Variants in PTPRN2 observed in about 807,000 individuals in gnomAD.
PTPRN2 encodes protein tyrosine phosphatase receptor type N2, also known as receptor-type tyrosine-protein phosphatase N2.
PTPRN2 carries 74 observed loss-of-function variants against 118.8 expected under a neutral mutation model. That is an observed-to-expected ratio of 0.62 (90% CI 0.52 to 0.76). The LOEUF (loss-of-function observed/expected upper bound fraction) is 0.76, where lower values mean the gene tolerates loss of function less well. Among genes scored for constraint, PTPRN2 ranks in the 30% least tolerant of loss-of-function variants. The pLI is 0.00. For missense variants in PTPRN2, 1,481 were observed against 1,394.4 expected, an observed-to-expected ratio of 1.06 and a Z score of -0.99; for synonymous variants, 641 against 608.0, an observed-to-expected ratio of 1.05 and a Z score of -0.80.
At chr7:157,564,857 A>G (rs1393461326) in intron 21 of PTPRN2, among the ~76,000 whole-genome samples, 4 of 152,234 alleles carry the variant, frequency 2.6e-5, no homozygotes, top group Non-Finnish European at 5.9e-5. Context: ...TCACATCCAC[A>G]TTCACAGCAG....
chr7:157,819,215 A>G (rs1225185749), intron 12 of PTPRN2, among the ~76,000 whole-genome samples: 1 of 152,194 alleles, frequency 6.6e-6, no homozygotes, highest in Admixed American at 6.5e-5. Context: ...TCCAGCACCC[A>G]GGGACGCGCT....
At chr7:157,948,177 G>A (rs771680463) in intron 11 of PTPRN2, among the ~76,000 whole-genome samples, 30 of 152,226 alleles carry the variant, frequency 2.0e-4, no homozygotes, top group Non-Finnish European at 4.3e-4. Flanking sequence ...ACCCAGTATT[G>A]TAGCTTTGGT....
chr7:158,454,581 C>T lies in PTPRN2; in HGVS notation c.163+35154G>A, dbSNP rs151104229. Among the ~76,000 whole-genome samples, 683 of 143,292 alleles carry T rather than the reference C, an allele frequency of 4.8e-3. 4 individuals are homozygous for T. The highest frequency in any genetic ancestry group is 0.038 in the South Asian group (158 of 4,200). The allele number at this position is 143,292 out of a possible 152,430, so 94.0% of individuals were successfully genotyped here. A position where few individuals can be genotyped will look rare whatever the true frequency, so the allele number is the denominator to read the frequency against. On this transcript the variant is annotated intron_variant, in intron 2 of 22. Transcript: ENST00000389418. ...CAATCACTGATGTGAGGATTGGGGACGGTTGCTACAGAGGACAGACAAGAC... is the reference window on the plus strand; with the variant it reads ...CAATCACTGATGTGAGGATTGGGGATGGTTGCTACAGAGGACAGACAAGAC...
intron 12 of PTPRN2, among the ~76,000 whole-genome samples, chr7:157,692,039 A>G (rs1184778193): frequency 6.6e-6 from 1 of 152,174 alleles, no homozygotes; most frequent in African/African-American, 2.4e-5. Context: ...AGGAACAAGG[A>G]GAAGAAAGGA....
chr7:157,982,869 G>A (rs1206118858), intron 11 of PTPRN2, among the ~76,000 whole-genome samples: 10 of 140,882 alleles, frequency 7.1e-5, no homozygotes, highest in Non-Finnish European at 9.3e-5. Flanking sequence ...GCAGAGTACC[G>A]GGTTCCCCCC....
chr7:158,205,382 C>T (rs1827051998), intron 3 of PTPRN2, 109 bp from the exon 4 acceptor site: 6 of 754,092 alleles, frequency 8.0e-6, no homozygotes, highest in South Asian at 6.5e-5. Context: ...ATGGTCCCAT[C>T]AGCAAAGTAA....
At chr7:157,870,521 C>T (rs1810985151) in intron 12 of PTPRN2, among the ~76,000 whole-genome samples, 1 of 152,230 alleles carries the variant, frequency 6.6e-6, no homozygotes, top group Non-Finnish European at 1.5e-5. Flanking sequence ...TCATGTTGCT[C>T]TGATAGGGGC....
intron 12 of PTPRN2, among the ~76,000 whole-genome samples, chr7:157,735,676 G>A (rs908985203): frequency 2.6e-5 from 4 of 152,204 alleles, no homozygotes; most frequent in African/African-American, 9.7e-5. Flanking sequence ...AACATGACTC[G>A]CCTCCTTGGC....
At chr7:157,721,081 C>T (rs1799208122) in intron 12 of PTPRN2, among the ~76,000 whole-genome samples, 1 of 152,154 alleles carries the variant, frequency 6.6e-6, no homozygotes, top group African/African-American at 2.4e-5. Flanking sequence ...GGTGTGTGTG[C>T]TCTGGCCTAT....
intron 1 of PTPRN2, among the ~76,000 whole-genome samples, chr7:158,495,988 C>A (rs1422982198): frequency 6.6e-6 from 1 of 151,984 alleles, no homozygotes; most frequent in Non-Finnish European, 1.5e-5. Flanking sequence ...TCCTGCCAGG[C>A]CTGATTGCCC....
intron 1 of PTPRN2, among the ~76,000 whole-genome samples, chr7:158,585,385 T>C (rs1828855007): frequency 6.6e-6 from 1 of 152,240 alleles, no homozygotes; most frequent in Non-Finnish European, 1.5e-5. Context: ...CCTGAGAATG[T>C]AGGTGATGCC....
Position 157,990,162 on chromosome 7 carries a change from G to A in PTPRN2, c.1723+91136C>T, listed in dbSNP as rs568078538. On this transcript the variant is annotated intron_variant, in intron 11 of 22. Transcript: ENST00000389418. This position sits in a 1 kb window ranked among gnomAD's most constrained non-coding sequence, Gnocchi z 4.3. ...CAGGTGAAGCTGCAGCTGGGGACACGAGTTAATGTGAGTGCGAGCCCAGGG... is the reference window on the plus strand; with the variant it reads ...CAGGTGAAGCTGCAGCTGGGGACACAAGTTAATGTGAGTGCGAGCCCAGGG... 9.2e-5 allele frequency among the ~76,000 whole-genome samples: 14 copies of A among 151,936 alleles called. No homozygotes were observed. The South Asian group carries it at 2.7e-3, about 29-fold the overall frequency.
chr7:158,037,234 C>T (rs1319680723), intron 11 of PTPRN2, among the ~76,000 whole-genome samples: 1 of 152,286 alleles, frequency 6.6e-6, no homozygotes, highest in East Asian at 1.9e-4. Flanking sequence ...AAAGGAATAT[C>T]TCACTCAGCG....
chr7:158,200,030 C>G (rs1042244655), intron 4 of PTPRN2, among the ~76,000 whole-genome samples: 2 of 152,036 alleles, frequency 1.3e-5, no homozygotes, highest in African/African-American at 2.4e-5. Flanking sequence ...AAGAGGCAAA[C>G]GAGCCACAAT....
Position 158,489,997 on chromosome 7 carries a change from G to A in PTPRN2, c.113-212C>T, listed in dbSNP as rs1275045691. On this transcript the variant is annotated intron_variant, in intron 1 of 22. Coordinates refer to ENST00000389418, the MANE Select transcript of PTPRN2 (RefSeq NM_002847.5). ...GTGCGAGGCCTCCTGGCCTAGTCCC[G>A]GAGCCCAGCTCTCACCTGGACCAGG... is the stretch of plus-strand genomic sequence containing the variant. Among the ~76,000 whole-genome samples, 9 of 152,334 alleles carry A rather than the reference G, an allele frequency of 5.9e-5. No homozygotes were observed. In the East Asian group the frequency reaches 9.7e-4, roughly 16 times the overall value.
At chr7:157,695,598 T>A (rs1356660268) in intron 12 of PTPRN2, among the ~76,000 whole-genome samples, 7 of 152,220 alleles carry the variant, frequency 4.6e-5, no homozygotes, top group African/African-American at 1.7e-4. Context: ...TTTTGAGAGG[T>A]CAGCCTCCTA....
Position 157,780,309 on chromosome 7 carries a change from GA to G in PTPRN2, c.1789-97373del, listed in dbSNP as rs1327372323. 6.6e-6 allele frequency among the ~76,000 whole-genome samples: 1 copy of G among 152,194 alleles called. No individual in the cohort carries two copies. The highest frequency in any genetic ancestry group is 6.5e-5 in the Admixed American group (1 of 15,284). ...CCAGCTAACACCTGAAATAGGATGG[GA>G]TAGTGCACACTCTGAAGGTGAAGCT... On this transcript the variant is annotated intron_variant, in intron 12 of 22. Coordinates refer to ENST00000389418, the MANE Select transcript of PTPRN2 (RefSeq NM_002847.5). This position sits in a 1 kb window ranked among gnomAD's most constrained non-coding sequence, Gnocchi z 4.5.
intron 12 of PTPRN2, among the ~76,000 whole-genome samples, chr7:157,791,117 A>G (rs1260266303): frequency 3.3e-5 from 5 of 152,240 alleles, no homozygotes; most frequent in Non-Finnish European, 1.5e-5. Context: ...ATGTATGTGT[A>G]TGAGAACAGT....
chr7:157,933,340 T>G (rs1243397624), intron 11 of PTPRN2, among the ~76,000 whole-genome samples: 1 of 148,764 alleles, frequency 6.7e-6, no homozygotes, highest in Non-Finnish European at 1.5e-5. Context: ...TTGACAGTTT[T>G]AGAGGAGGGG....
Sources: gnomAD v4.1 joint callset for allele counts (sites outside exome capture counted in the v4.1 genomes callset) on GRCh38, gnomAD v4.1.1 for gene constraint, Gnocchi (gnomAD v3.1) non-coding constraint, MANE v1.5 for transcripts, NCBI Gene and HGNC (gene_info 2026-07-23, HGNC 2026-07-21) for gene names.